Variants in PPM1E observed in about 807,000 individuals in gnomAD.
The protein encoded by PPM1E is protein phosphatase, Mg2+/Mn2+ dependent 1E, also known as protein phosphatase 1E.
Under a neutral mutation model 65.9 loss-of-function variants are expected in PPM1E, and 20 were observed. That is an observed-to-expected ratio of 0.30 (90% CI 0.21 to 0.44). The LOEUF (loss-of-function observed/expected upper bound fraction) is 0.44. PPM1E is among the 20% of genes least tolerant of loss of function. PPM1E has a pLI of 1.00. For missense variants in PPM1E, 713 were observed against 953.1 expected, an observed-to-expected ratio of 0.75 and a Z score of 3.32; for synonymous variants, 352 against 374.9, an observed-to-expected ratio of 0.94 and a Z score of 0.70.
intron 1 of PPM1E, among the ~76,000 whole-genome samples, chr17:58,819,851 A>G (rs1448804790): frequency 6.6e-6 from 1 of 152,090 alleles, no homozygotes; most frequent in African/African-American, 2.4e-5. Flanking sequence ...AGCCTGGCCA[A>G]CATGGTGAAA....
At position 58,864,362 on chromosome 17, in the gene PPM1E, C is replaced by A. The variant is rs1204352548; in HGVS notation, c.465-91287C>A. ...TTAAGATACTGTAGCATAATCTGGT[C>A]CGGTGCGGTGGCTCATGCCTGTAAT... is the stretch of plus-strand genomic sequence containing the variant. On this transcript the variant is annotated intron_variant, in intron 1 of 6. Transcript: ENST00000308249. Among the ~76,000 whole-genome samples the A allele has an allele frequency of 2.0e-5, 3 of 152,252 alleles. No individual in the cohort carries two copies. The East Asian group carries it at 5.8e-4, about 29-fold the overall frequency.
chr17:58,765,286 T>C (rs1431664602), intron 1 of PPM1E, among the ~76,000 whole-genome samples: 1 of 151,676 alleles, frequency 6.6e-6, no homozygotes, highest in Non-Finnish European at 1.5e-5. Context: ...CAAGTGATTC[T>C]TTTGCCTCAG....
intron 1 of PPM1E, among the ~76,000 whole-genome samples, chr17:58,762,638 C>T (rs867015380): frequency 1.2e-3 from 188 of 152,264 alleles, no homozygotes; most frequent in African/African-American, 4.5e-3. Flanking sequence ...TGGCTCACGC[C>T]TGTAATCCCA....
At chr17:58,956,900 C>G (rs1303104017) in intron 2 of PPM1E, among the ~76,000 whole-genome samples, 3 of 152,172 alleles carry the variant, frequency 2.0e-5, no homozygotes, top group Non-Finnish European at 2.9e-5. Flanking sequence ...GTAAACATTT[C>G]TGTTCTTCCT....
At chr17:58,780,607 G>A (rs996499339) in intron 1 of PPM1E, among the ~76,000 whole-genome samples, 3 of 152,116 alleles carry the variant, frequency 2.0e-5, no homozygotes, top group African/African-American at 4.8e-5. Flanking sequence ...TTATAGATTT[G>A]TGGGAAATCT....
rs2031525734 is a variant in PPM1E at position 58,983,632 on chromosome 17, CTATA to C, written c.*2604_*2607del. The C allele has an allele frequency of 2.0e-5, 3 of 152,608 alleles. No homozygotes were observed. The highest frequency in any genetic ancestry group is 4.8e-5 in the African/African-American group (2 of 41,522). 9.5% of individuals were successfully genotyped at this position (152,608 alleles called of 1,614,324 possible). A position where few individuals can be genotyped will look rare whatever the true frequency, so the allele number is the denominator to read the frequency against. ...AAATATTAGACAGATATAAAAGTATCTATATAATATCTATAAACTGTTAATGCTG... is the reference window on the plus strand; with the variant it reads ...AAATATTAGACAGATATAAAAGTATCTAATATCTATAAACTGTTAATGCTG... On this transcript the variant is annotated 3_prime_UTR_variant, in exon 7 of 7. Coordinates refer to ENST00000308249, the MANE Select transcript of PPM1E (RefSeq NM_014906.5).
chr17:58,840,175 C>T (rs554077694), intron 1 of PPM1E, among the ~76,000 whole-genome samples: 38 of 152,320 alleles, frequency 2.5e-4, no homozygotes, highest in African/African-American at 9.1e-4. Context: ...CTTCCCCCAG[C>T]AACAATCTGT....
intron 1 of PPM1E, among the ~76,000 whole-genome samples, chr17:58,872,070 G>A (rs564615066): frequency 6.6e-6 from 1 of 152,302 alleles, no homozygotes; most frequent in African/African-American, 2.4e-5. Context: ...GGCTGAGGCA[G>A]GCAGATCACC....
intron 1 of PPM1E, among the ~76,000 whole-genome samples, chr17:58,907,418 A>G (rs542619198): frequency 3.3e-5 from 5 of 152,144 alleles, no homozygotes; most frequent in East Asian, 1.9e-4. Context: ...AATGTGGTCT[A>G]TCTGGATGAA....
intron 1 of PPM1E, among the ~76,000 whole-genome samples, chr17:58,860,104 A>C (rs1423751847): frequency 6.6e-6 from 1 of 152,196 alleles, no homozygotes; most frequent in Non-Finnish European, 1.5e-5. Context: ...ATGCCAAATG[A>C]CATCCTCAAT....
At chr17:58,761,750 C>T (rs866642015) in intron 1 of PPM1E, among the ~76,000 whole-genome samples, 2 of 152,210 alleles carry the variant, frequency 1.3e-5, no homozygotes, top group African/African-American at 4.8e-5. Context: ...CTTCTACGTT[C>T]CTTTCCATAA....
At position 58,847,280 on chromosome 17, in the gene PPM1E, T is replaced by A. The variant is rs1476760173; in HGVS notation, c.464+90819T>A. Among the ~76,000 whole-genome samples the A allele has an allele frequency of 3.3e-5, 5 of 152,312 alleles. No homozygotes were observed. In the East Asian group the frequency reaches 9.6e-4, roughly 29 times the overall value. On this transcript the variant is annotated intron_variant, in intron 1 of 6. Transcript: ENST00000308249. ...GCAGAAGCTCTTTAGTTTAATTAGA[T>A]CCCATTTTTCAATTTTGGCTTTTGT...
chr17:58,922,806 T>A (rs552646167), intron 1 of PPM1E, among the ~76,000 whole-genome samples: 1 of 151,640 alleles, frequency 6.6e-6, no homozygotes, highest in African/African-American at 2.4e-5. Context: ...TGCCTCAGCC[T>A]CCTGAGTAGC....
chr17:58,868,470 CT>C (rs1370312498), intron 1 of PPM1E, among the ~76,000 whole-genome samples: 1 of 151,728 alleles, frequency 6.6e-6, no homozygotes, highest in African/African-American at 2.4e-5. Context: ...GAAGTTCCCT[CT>C]TTTGATTTCC....
In PPM1E at chr17:58,899,003, T is replaced by G. The variant is rs187069952; in HGVS notation, c.465-56646T>G. Among the ~76,000 whole-genome samples the G allele has an allele frequency of 1.6e-4, 22 of 139,094 alleles. No homozygotes were observed. The East Asian group carries it at 4.1e-3, about 26-fold the overall frequency. The allele number at this position is 139,094 out of a possible 152,430, so 91.3% of individuals were successfully genotyped here. ...GCGAGGAACATCACACACTGGGGCC[T>G]GTCGTGGGGTGGGGGGATGGGGGAG... On this transcript the variant is annotated intron_variant, in intron 1 of 6. Transcript: ENST00000308249.
At chr17:58,758,296 C>T (rs1307414953) in intron 1 of PPM1E, among the ~76,000 whole-genome samples, 4 of 151,722 alleles carry the variant, frequency 2.6e-5, no homozygotes, top group South Asian at 2.1e-4. Flanking sequence ...TTTGGGAGGC[C>T]GGGGTGGCAG....
At chr17:58,894,082 A>G (rs946925176) in intron 1 of PPM1E, among the ~76,000 whole-genome samples, 1 of 152,018 alleles carries the variant, frequency 6.6e-6, no homozygotes, top group African/African-American at 2.4e-5. Flanking sequence ...CAAAAAAAAC[A>G]AACCAGAAAA....
At chr17:58,901,792 CAT>C (rs1285352374) in intron 1 of PPM1E, among the ~76,000 whole-genome samples, 1 of 152,066 alleles carries the variant, frequency 6.6e-6, no homozygotes, top group Non-Finnish European at 1.5e-5. Context: ...GCCTGACCAA[CAT>C]AGAGATACCG....
intron 1 of PPM1E, among the ~76,000 whole-genome samples, chr17:58,779,695 T>C (rs2050033224): frequency 6.6e-6 from 1 of 152,212 alleles, no homozygotes; most frequent in African/African-American, 2.4e-5. Context: ...TTTACAAAAG[T>C]AATTAAGGCT....
Sources: gnomAD v4.1 joint callset for allele counts (sites outside exome capture counted in the v4.1 genomes callset) on GRCh38, gnomAD v4.1.1 for gene constraint, MANE v1.5 for transcripts, NCBI Gene and HGNC (gene_info 2026-07-23, HGNC 2026-07-21) for gene names.